The following LCLAT1 variants were observed in gnomAD, a reference collection of about 807,000 sequenced individuals.
The protein encoded by LCLAT1 is lysocardiolipin acyltransferase 1.
LCLAT1 carries 11 observed loss-of-function variants against 30.7 expected under a neutral mutation model. The observed-to-expected ratio is 0.36, with a 90% confidence interval of 0.23 to 0.59. LCLAT1 has a LOEUF of 0.59. Among genes scored for constraint, LCLAT1 ranks in the 20% least tolerant of loss-of-function variants. The pLI is 0.77. For synonymous variants in LCLAT1, 155 were observed against 151.3 expected (o/e 1.02, Z -0.18); for missense variants, 402 against 458.6 (o/e 0.88, Z 1.13).
At chr2:30,613,584 C>T (rs985474296) in intron 5 of LCLAT1, among the ~76,000 whole-genome samples, 2 of 142,722 alleles carry the variant, frequency 1.4e-5, no homozygotes, top group African/African-American at 2.7e-5. Flanking sequence ...ATAAGGGGAA[C>T]CGGGGAACCA....
chr2:30,527,551 A>G (rs1685777130), intron 2 of LCLAT1, among the ~76,000 whole-genome samples: 1 of 152,210 alleles, frequency 6.6e-6, no homozygotes, highest in Admixed American at 6.5e-5. Flanking sequence ...GAGAGCGAGC[A>G]TAAGCAGAGT....
intron 5 of LCLAT1, among the ~76,000 whole-genome samples, chr2:30,610,302 C>T (rs1667674497): frequency 2.6e-5 from 4 of 151,974 alleles, no homozygotes; most frequent in Admixed American, 2.6e-4. Context: ...GAATTGATGC[C>T]TCTGGCTTCT....
chr2:30,562,635 C>T (rs866365300), intron 4 of LCLAT1, among the ~76,000 whole-genome samples: 4 of 152,176 alleles, frequency 2.6e-5, no homozygotes, highest in Non-Finnish European at 5.9e-5. Flanking sequence ...CAACTCCAAG[C>T]GGTCATATTA....
rs1195587700 is a variant in LCLAT1 at position 30,642,445 on chromosome 2, C to G, written c.*1826C>G. On this transcript the variant is annotated 3_prime_UTR_variant, in exon 6 of 6. Coordinates refer to ENST00000379509, the MANE Select transcript of LCLAT1 (RefSeq NM_001002257.3). ...AAAAAAGCACCTTTTTTTGTTGTTT[C>G]CCCTTAATAAAAGAGGTTTCTAATT... 1 of 145,228 alleles carries G rather than the reference C, an allele frequency of 6.9e-6. No homozygotes were observed. The highest frequency in any genetic ancestry group is 2.2e-4 in the South Asian group (1 of 4,532). The allele number at this position is 145,228 out of a possible 1,614,324, so 9.0% of individuals were successfully genotyped here. A position where few individuals can be genotyped will look rare whatever the true frequency, so the allele number is the denominator to read the frequency against.
At chr2:30,583,524 T>C (rs1208583981) in intron 5 of LCLAT1, among the ~76,000 whole-genome samples, 3 of 152,162 alleles carry the variant, frequency 2.0e-5, no homozygotes, top group Non-Finnish European at 4.4e-5. Flanking sequence ...CCCAATGCAG[T>C]TTCTGTCTGG....
chr2:30,486,800 C>T (rs904314771), intron 1 of LCLAT1, among the ~76,000 whole-genome samples: 17 of 152,168 alleles, frequency 1.1e-4, no homozygotes, highest in African/African-American at 4.1e-4. Context: ...TGCAGAGCCA[C>T]AGTGCAAGCA....
At chr2:30,564,323 T>C (rs889665161) in intron 4 of LCLAT1, among the ~76,000 whole-genome samples, 6 of 152,144 alleles carry the variant, frequency 3.9e-5, no homozygotes, top group Non-Finnish European at 8.8e-5. Context: ...AGTTATTTGG[T>C]AAATAAAAAC....
At chr2:30,526,448 C>T (rs1228672302) in intron 2 of LCLAT1, among the ~76,000 whole-genome samples, 1 of 151,862 alleles carries the variant, frequency 6.6e-6, no homozygotes, top group Non-Finnish European at 1.5e-5. Context: ...ACTGTAAGTT[C>T]TGGAATTTAT....
intron 1 of LCLAT1, among the ~76,000 whole-genome samples, chr2:30,521,486 CTTCTTCTTTT>C (rs1685466229): frequency 3.9e-5 from 1 of 25,852 alleles, no homozygotes; most frequent in Non-Finnish European, 6.5e-5. Context: ...CCCTAAACTA[CTTCTTCTTTT>C]TTTTTTTTTT....
At chr2:30,553,992 A>G (rs1664799554) in intron 3 of LCLAT1, among the ~76,000 whole-genome samples, 1 of 152,196 alleles carries the variant, frequency 6.6e-6, no homozygotes. Context: ...ATTGATGACA[A>G]TCAAATGGAA....
chr2:30,640,033 C>T, intron 5 of LCLAT1, 84 bp from the exon 6 acceptor site: 6 of 1,133,672 alleles, frequency 5.3e-6, no homozygotes, highest in Admixed American at 2.2e-5. Context: ...TTTTCGGTTT[C>T]TGGTGCTGCC....
chr2:30,598,942 A>T (rs1404514739), intron 5 of LCLAT1, among the ~76,000 whole-genome samples: 1 of 150,600 alleles, frequency 6.6e-6, no homozygotes, highest in Non-Finnish European at 1.5e-5. Context: ...TTCAATTTCC[A>T]TGTAGTTGTA....
chr2:30,459,652 C>A, intron 1 of LCLAT1: 1 of 1,614,022 alleles, frequency 6.2e-7, no homozygotes, highest in Admixed American at 1.7e-5. Context: ...GCTTCTGAAC[C>A]CATGGTCAAT....
chr2:30,594,056 T>G (rs1171900187), intron 5 of LCLAT1, among the ~76,000 whole-genome samples: 2 of 152,180 alleles, frequency 1.3e-5, no homozygotes, highest in Admixed American at 6.5e-5. Flanking sequence ...TATGTTTTAA[T>G]AAAGTTTTCA....
At chr2:30,529,987 A>G (rs1685909502) in intron 2 of LCLAT1, among the ~76,000 whole-genome samples, 1 of 152,188 alleles carries the variant, frequency 6.6e-6, no homozygotes, top group Admixed American at 6.5e-5. Flanking sequence ...TTTCTCTGTG[A>G]TCTTGAGAGG....
chr2:30,564,166 A>G (rs543792510), intron 4 of LCLAT1, among the ~76,000 whole-genome samples: 1 of 152,308 alleles, frequency 6.6e-6, no homozygotes, highest in South Asian at 2.1e-4. Flanking sequence ...TTTAAATTTT[A>G]TAATATTTAG....
At chr2:30,482,475 C>G (rs1460750784) in intron 1 of LCLAT1, among the ~76,000 whole-genome samples, 1 of 152,112 alleles carries the variant, frequency 6.6e-6, no homozygotes, top group East Asian at 1.9e-4. Flanking sequence ...GAATGTATGG[C>G]TATTTAAAAG....
chr2:30,520,009 G>A (rs1030548264), intron 1 of LCLAT1, among the ~76,000 whole-genome samples: 9 of 152,154 alleles, frequency 5.9e-5, no homozygotes, highest in South Asian at 2.1e-4. Context: ...GTAGAGGCTC[G>A]CCATTGTTTC....
rs956183121 is a variant in LCLAT1 at position 30,641,133 on chromosome 2, A to T, written c.*514A>T. The T allele has an allele frequency of 1.3e-5, 2 of 152,754 alleles. No individual in the cohort carries two copies. Among genetic ancestry groups the T allele is most frequent in the African/African-American group, 4.8e-5 (2 of 41,374 alleles). The allele number at this position is 152,754 out of a possible 1,614,324, so 9.5% of individuals were successfully genotyped here. A position where few individuals can be genotyped will look rare whatever the true frequency, so the allele number is the denominator to read the frequency against. ...CTCATCCTTAAGATCAGAAAATGGA[A>T]CCCCCTTTGTCGTGAAACCGATCAA... On this transcript the variant is annotated 3_prime_UTR_variant, in exon 6 of 6. Transcript: ENST00000379509.
Sources: allele counts gnomAD v4.1 joint callset (sites outside exome capture counted in the v4.1 genomes callset), GRCh38; gene constraint gnomAD v4.1.1; transcripts MANE v1.5; gene names NCBI Gene and HGNC (gene_info 2026-07-23, HGNC 2026-07-21).